PPFIA2: variants seen among roughly 807,000 people sequenced by gnomAD.
PPFIA2 encodes the protein PPFI scaffold protein A2, also known as liprin-alpha-2.
A neutral mutation model predicts 175.5 loss-of-function variants in PPFIA2; 46 were observed. The ratio of observed to expected loss-of-function variants is 0.26; its 90% CI spans 0.21 to 0.34. The LOEUF (loss-of-function observed/expected upper bound fraction) is 0.34. Among genes scored for constraint, PPFIA2 ranks in the 10% least tolerant of loss-of-function variants. The pLI, the probability that PPFIA2 is intolerant of heterozygous loss-of-function variation, is 1.00. For synonymous variants in PPFIA2, 568 were observed against 511.4 expected (o/e 1.11, Z -1.49); for missense variants, 1,179 against 1,506.1 (o/e 0.78, Z 3.60).
At position 81,353,401 on chromosome 12, in the gene PPFIA2, C is replaced by T. The variant is rs1230371302; in HGVS notation, c.1774-62G>A. On this transcript the variant is annotated intron_variant, in intron 16 of 32. Transcript: ENST00000549396. Reference sequence around the variant, plus strand: ...TATTGCTCATTTTCAAAGCATTAATCTCAAAGACAGCAACAACAACAGGCA... The same window carrying T: ...TATTGCTCATTTTCAAAGCATTAATTTCAAAGACAGCAACAACAACAGGCA... 7.4e-6 allele frequency: 9 copies of T among 1,214,328 alleles called. No individual in the cohort carries two copies. The Admixed American group carries it at 1.1e-4, about 15-fold the overall frequency. 75.2% of individuals were successfully genotyped at this position (1,214,328 alleles called of 1,614,324 possible).
Position 81,273,593 on chromosome 12 carries a change from T to A in PPFIA2, c.3310+3724A>T, listed in dbSNP as rs138666988. Among the ~76,000 whole-genome samples, 87 of 152,308 alleles carry A rather than the reference T, an allele frequency of 5.7e-4. 1 individual carries two copies. Among genetic ancestry groups the A allele is most frequent in the African/African-American group, 2.0e-3 (85 of 41,580 alleles). ...AGTTCTTCAAATTAGTTGGTGTCCTTTCTGTCTGTGCCAATCCACAGTACT... is the reference window on the plus strand; with the variant it reads ...AGTTCTTCAAATTAGTTGGTGTCCTATCTGTCTGTGCCAATCCACAGTACT... On this transcript the variant is annotated intron_variant, in intron 28 of 32. Transcript: ENST00000549396.
chr12:81,360,761 G>A (rs1054725244), intron 15 of PPFIA2, among the ~76,000 whole-genome samples: 2 of 149,642 alleles, frequency 1.3e-5, no homozygotes, highest in Non-Finnish European at 3.0e-5. Flanking sequence ...TAAATATTCA[G>A]TTATCCTGTA....
intron 22 of PPFIA2, among the ~76,000 whole-genome samples, chr12:81,306,610 G>A (rs536284531): frequency 1.4e-5 from 2 of 145,834 alleles, no homozygotes; most frequent in Non-Finnish European, 3.0e-5. Context: ...GCCTGATCTC[G>A]GCTCACTGCA....
chr12:81,633,210 G>A (rs1391546355), intron 4 of PPFIA2, among the ~76,000 whole-genome samples: 1 of 152,000 alleles, frequency 6.6e-6, no homozygotes, highest in Non-Finnish European at 1.5e-5. Flanking sequence ...ATAGGAAAAG[G>A]AAATATTTTA....
chr12:81,358,280 T>G (rs1041840252), intron 15 of PPFIA2, 63 bp from the exon 16 acceptor site: 11 of 1,445,896 alleles, frequency 7.6e-6, no homozygotes, highest in Non-Finnish European at 6.6e-6. Flanking sequence ...AGGAAATTAC[T>G]ATCTGCTGTT....
chr12:81,298,594 A>AG, intron 23 of PPFIA2, among the ~76,000 whole-genome samples: 1 of 152,222 alleles, frequency 6.6e-6, no homozygotes, highest in Non-Finnish European at 1.5e-5. Flanking sequence ...ACTGAATAGA[A>AG]GGGGCAGTGA....
chr12:81,652,733 T>C (rs1205608093), intron 4 of PPFIA2, among the ~76,000 whole-genome samples: 3 of 152,116 alleles, frequency 2.0e-5, no homozygotes, highest in Admixed American at 1.3e-4. Flanking sequence ...TTCTACTTGC[T>C]CTTTGTAGAT....
At chr12:81,452,659 C>T (rs1018125165) in intron 5 of PPFIA2, among the ~76,000 whole-genome samples, 2 of 152,264 alleles carry the variant, frequency 1.3e-5, no homozygotes, top group Non-Finnish European at 2.9e-5. Flanking sequence ...TCTTCCTTTT[C>T]TGAATTGGAC....
chr12:81,628,611 T>A (rs548754400), intron 4 of PPFIA2, among the ~76,000 whole-genome samples: 1 of 152,164 alleles, frequency 6.6e-6, no homozygotes, highest in South Asian at 2.1e-4. Flanking sequence ...ACTCCTGACC[T>A]CAAGTGTTCC....
At chr12:81,678,688 G>A (rs1379344967) in intron 3 of PPFIA2, among the ~76,000 whole-genome samples, 1 of 151,680 alleles carries the variant, frequency 6.6e-6, no homozygotes, top group African/African-American at 2.4e-5. Flanking sequence ...AATATTGTAG[G>A]GACCTGCCAG....
chr12:81,666,700 A>G (rs906185615), intron 4 of PPFIA2, among the ~76,000 whole-genome samples: 1 of 152,172 alleles, frequency 6.6e-6, no homozygotes, highest in South Asian at 2.1e-4. Flanking sequence ...AGCATGGCAC[A>G]TGTATACATA....
intron 4 of PPFIA2, among the ~76,000 whole-genome samples, chr12:81,550,479 A>G (rs2067735731): frequency 6.6e-6 from 1 of 151,996 alleles, no homozygotes; most frequent in African/African-American, 2.4e-5. Context: ...AAGGTAGGGG[A>G]TTTAAGTGAT....
chr12:81,271,670 T>G (rs1389325691), intron 28 of PPFIA2, among the ~76,000 whole-genome samples: 1 of 152,320 alleles, frequency 6.6e-6, no homozygotes, highest in East Asian at 1.9e-4. Context: ...AAATTATTCC[T>G]TTTATTATTT....
rs1157845856 is a variant in PPFIA2 at position 81,258,111 on chromosome 12, T to C, written c.*1583A>G. 6.6e-6 allele frequency: 1 copy of C among 152,104 alleles called. No individual in the cohort carries two copies. Among genetic ancestry groups the C allele is most frequent in the Non-Finnish European group, 1.5e-5 (1 of 67,996 alleles). 9.4% of individuals were successfully genotyped at this position (152,104 alleles called of 1,614,324 possible). On this transcript the variant is annotated 3_prime_UTR_variant, in exon 33 of 33. Transcript: ENST00000549396. ...CAGGCCACATTTTTAGAAAAAAATT[T>C]TAAGATCACTCCCATAAGCAAGTTT...
chr12:81,550,001 A>G (rs1198387327), intron 4 of PPFIA2, among the ~76,000 whole-genome samples: 1 of 152,032 alleles, frequency 6.6e-6, no homozygotes, highest in Non-Finnish European at 1.5e-5. Flanking sequence ...CAAGGCAAAG[A>G]TAGCTTTCTT....
chr12:81,462,294 T>A (rs1452989996), intron 4 of PPFIA2, among the ~76,000 whole-genome samples: 1 of 145,700 alleles, frequency 6.9e-6, no homozygotes, highest in East Asian at 2.0e-4. Flanking sequence ...AACATATATA[T>A]ATATATATGT....
rs939727342 is a variant in PPFIA2 at position 81,353,208 on chromosome 12, C to T, written c.1905G>A (p.Met635Ile). 6.2e-7 allele frequency: 1 copy of T among 1,613,774 alleles called. No individual in the cohort carries two copies. The highest frequency in any genetic ancestry group is 1.3e-5 in the African/African-American group (1 of 75,006). ...AATGACCACTTGGAGAGAGAAGATCCATTGAGCTAAAAATTGTTTCTCTGT... is the reference window on the plus strand; with the variant it reads ...AATGACCACTTGGAGAGAGAAGATCTATTGAGCTAAAAATTGTTTCTCTGT... The part of the protein sequence containing the change: ...DDDRETIFSS[M>I]DLLSPSGHSD... Residue 635 changes from methionine (M) to isoleucine (I), a missense_variant, in exon 17 of 33, where the codon ATG (methionine) becomes ATA (isoleucine). Physicochemically the swap from Met to Ile is conservative, Grantham distance 10. Transcript: ENST00000549396.
chr12:81,319,672 A>G (rs2139533645), intron 22 of PPFIA2, among the ~76,000 whole-genome samples: 1 of 152,038 alleles, frequency 6.6e-6, no homozygotes, highest in East Asian at 1.9e-4. Flanking sequence ...CTAGGCCATA[A>G]AAGGATTTCA....
At chr12:81,634,922 A>T (rs769415792) in intron 4 of PPFIA2, among the ~76,000 whole-genome samples, 5 of 151,130 alleles carry the variant, frequency 3.3e-5, no homozygotes, top group Non-Finnish European at 7.4e-5. Context: ...ACACTACATA[A>T]TAGCTCTAAC....
Sources: allele counts gnomAD v4.1 joint callset (sites outside exome capture counted in the v4.1 genomes callset), GRCh38; gene constraint gnomAD v4.1.1; transcripts MANE v1.5; gene names NCBI Gene and HGNC (gene_info 2026-07-23, HGNC 2026-07-21).